The following ZC3H14 variants were observed in gnomAD, a reference collection of about 807,000 sequenced individuals.
ZC3H14 encodes the protein zinc finger CCCH domain-containing protein 14.
A neutral mutation model predicts 92.4 loss-of-function variants in ZC3H14; 31 were observed. The observed-to-expected ratio is 0.34, with a 90% CI of 0.25 to 0.45. The LOEUF is 0.45. ZC3H14 is among the 20% of genes least tolerant of loss of function. The probability of loss-of-function intolerance (pLI) is 1.00; values close to 1 mark genes in which losing one functional copy is unlikely to be tolerated. For synonymous variants in ZC3H14, 321 were observed against 300.9 expected, an observed-to-expected ratio of 1.07 and a Z score of -0.69; for missense variants, 781 against 897.3, an observed-to-expected ratio of 0.87 and a Z score of 1.66.
At chr14:88,609,135 TTC>T (rs1464165393) in intron 13 of ZC3H14, 130 bp from the exon 14 acceptor site, 16 of 1,077,936 alleles carry the variant, frequency 1.5e-5, no homozygotes, top group Non-Finnish European at 1.9e-5. Context: ...TTTTAAAATA[TTC>T]TTTTTGTTGC....
rs1275723344 is a variant in ZC3H14, at chr14:88,607,236, T to G, written c.1748-7T>G. 1 of 1,614,068 alleles carries G rather than the reference T, an allele frequency of 6.2e-7. No homozygotes were observed. Among genetic ancestry groups the G allele is most frequent in the South Asian group, 1.1e-5 (1 of 91,086 alleles). On this transcript the variant is annotated splice_region_variant and splice_polypyrimidine_tract_variant and intron_variant, in intron 12 of 16. Coordinates refer to ENST00000251038, the MANE Select transcript of ZC3H14 (RefSeq NM_024824.5). ...ATGAAATACTTTTATTTCCTTTCCC[T>G]TTGTAGCTGAGATGAGTGAACTGAG...
At position 88,616,322 on chromosome 14, in the gene ZC3H14, A is replaced by C; in HGVS notation, c.*4571A>C. 5.2e-6 allele frequency: 7 copies of C among 1,344,242 alleles called. No homozygotes were observed. The highest frequency in any genetic ancestry group is 1.4e-5 in the African/African-American group (1 of 69,490). 83.3% of individuals were successfully genotyped at this position (1,344,242 alleles called of 1,614,324 possible). A position where few individuals can be genotyped will look rare whatever the true frequency, so the allele number is the denominator to read the frequency against. On this transcript the variant is annotated 3_prime_UTR_variant, in exon 17 of 17. Transcript: ENST00000251038. ...GCTCTTATTAGGAACTATAATCTCTATGACAAGAGCTGTGGAGAGAGTAGG... is the reference window on the plus strand; with the variant it reads ...GCTCTTATTAGGAACTATAATCTCTCTGACAAGAGCTGTGGAGAGAGTAGG...
chr14:88,607,331 G>A lies in ZC3H14; in HGVS notation c.1836G>A (p.Glu612=), dbSNP rs1466688545. The stretch of plus-strand genomic sequence containing the variant: ...GGCCTGCTTGTAAAAATGGGGATGA[G>A]TGTGCCTACCATCACCCCATCTCAC... The part of the protein sequence containing the change: ...KYWPACKNGD[E]CAYHHPISPC... The change falls in exon 13 of 17, where the codon GAG becomes GAA. Residue 612 remains glutamate, a synonymous_variant. Transcript: ENST00000251038. The A allele has an allele frequency of 6.2e-7, 1 of 1,613,510 alleles. No individual in the cohort carries two copies. Among genetic ancestry groups the A allele is most frequent in the Non-Finnish European group, 8.5e-7 (1 of 1,179,788 alleles).
chr14:88,595,369 T>C (rs2139974704), intron 9 of ZC3H14, among the ~76,000 whole-genome samples: 1 of 152,350 alleles, frequency 6.6e-6, no homozygotes, highest in African/African-American at 2.4e-5. Flanking sequence ...GAAGCAAAAC[T>C]TGAAATGTGG....
chr14:88,593,449 A>G (rs1310107210), intron 9 of ZC3H14, among the ~76,000 whole-genome samples: 1 of 152,212 alleles, frequency 6.6e-6, no homozygotes, highest in African/African-American at 2.4e-5. Context: ...TAACGTTGGC[A>G]AGGTTATGTT....
chr14:88,613,841 CAT>C lies in ZC3H14; in HGVS notation c.*2092_*2093del, dbSNP rs747392137. 1.3e-5 allele frequency: 2 copies of C among 152,146 alleles called. No individual in the cohort carries two copies. The highest frequency in any genetic ancestry group is 2.9e-5 in the Non-Finnish European group (2 of 68,026). The allele number at this position is 152,146 out of a possible 1,614,324, so 9.4% of individuals were successfully genotyped here. ...TAATTATCTGGGTTAAAAAAGTAAACATAGGGCAGATTCTATATGGCCTATCA... is the reference window on the plus strand; with the variant it reads ...TAATTATCTGGGTTAAAAAAGTAAACAGGGCAGATTCTATATGGCCTATCA... On this transcript the variant is annotated 3_prime_UTR_variant, in exon 17 of 17. Transcript: ENST00000251038.
chr14:88,570,218 A>T (rs908436842), intron 3 of ZC3H14, among the ~76,000 whole-genome samples: 2 of 152,204 alleles, frequency 1.3e-5, no homozygotes, highest in African/African-American at 2.4e-5. Context: ...GTTCATTAAC[A>T]CCAGCCCCAA....
chr14:88,627,180 C>T lies in ZC3H14; in HGVS notation c.*15429C>T, dbSNP rs538606137. 9.8e-5 allele frequency: 74 copies of T among 751,986 alleles called. No homozygotes were observed. The African/African-American group carries it at 1.0e-3, about 11-fold the overall frequency. The allele number at this position is 751,986 out of a possible 1,614,324, so 46.6% of individuals were successfully genotyped here. On this transcript the variant is annotated 3_prime_UTR_variant, in exon 17 of 17. Coordinates refer to ENST00000251038, the MANE Select transcript of ZC3H14 (RefSeq NM_024824.5). ...AGGCCAATGGCCCCTGCTCTACTAC[C>T]TAGCAATACATGATTTACAATTATT...
chr14:88,607,400 T>C (rs2085595853), intron 13 of ZC3H14, 37 bp downstream of exon 13: 1 of 1,377,326 alleles, frequency 7.3e-7, no homozygotes, highest in South Asian at 1.2e-5. Context: ...TGCAAGTGAG[T>C]ACCATCCCCC....
At chr14:88,603,103 G>A (rs770322632) in intron 12 of ZC3H14, 43 bp downstream of exon 12, 2 of 1,578,852 alleles carry the variant, frequency 1.3e-6, no homozygotes, top group Non-Finnish European at 1.7e-6. Context: ...TCATTGTGAA[G>A]GGAATCTTTG....
intron 15 of ZC3H14, 86 bp downstream of exon 15, chr14:88,609,889 T>C (rs957259730): frequency 2.9e-5 from 41 of 1,426,246 alleles, no homozygotes; most frequent in Admixed American, 5.2e-5. Context: ...GTTACTACAT[T>C]GGTGCAAAAG....
Position 88,616,146 on chromosome 14 carries a change from A to G in ZC3H14, c.*4395A>G, listed in dbSNP as rs1284351429. 3.1e-6 allele frequency: 5 copies of G among 1,613,868 alleles called. No homozygotes were observed. The highest frequency in any genetic ancestry group is 4.2e-6 in the Non-Finnish European group (5 of 1,179,768). On this transcript the variant is annotated 3_prime_UTR_variant, in exon 17 of 17. Coordinates refer to ENST00000251038, the MANE Select transcript of ZC3H14 (RefSeq NM_024824.5). ...TGGGCTGAGAAAGTTACTAACCTGCAGTCATCACCTCCAGCACTAACAACA... is the reference window on the plus strand; with the variant it reads ...TGGGCTGAGAAAGTTACTAACCTGCGGTCATCACCTCCAGCACTAACAACA...
In ZC3H14 at chr14:88,618,939, C is replaced by T. The variant is rs1374561691; in HGVS notation, c.*7188C>T. The stretch of plus-strand genomic sequence containing the variant: ...TAAGGCCTCAAATAGATTTACCTGT[C>T]AGACACAACTGATCATGTATACTGA... On this transcript the variant is annotated 3_prime_UTR_variant, in exon 17 of 17. Coordinates refer to ENST00000251038, the MANE Select transcript of ZC3H14 (RefSeq NM_024824.5). 1.2e-6 allele frequency: 1 copy of T among 823,976 alleles called. No homozygotes were observed. Among genetic ancestry groups the T allele is most frequent in the Non-Finnish European group, 1.8e-6 (1 of 548,854 alleles). 51.0% of individuals were successfully genotyped at this position (823,976 alleles called of 1,614,324 possible). A position where few individuals can be genotyped will look rare whatever the true frequency, so the allele number is the denominator to read the frequency against.
Position 88,618,399 on chromosome 14 carries a change from C to T in ZC3H14, c.*6648C>T. 2.2e-6 allele frequency: 3 copies of T among 1,365,618 alleles called. No individual in the cohort carries two copies. Among genetic ancestry groups the T allele is most frequent in the East Asian group, 4.6e-5 (2 of 43,414 alleles). 84.6% of individuals were successfully genotyped at this position (1,365,618 alleles called of 1,614,324 possible). A position where few individuals can be genotyped will look rare whatever the true frequency, so the allele number is the denominator to read the frequency against. ...AGAGACAAAATCCACAGGGGGTTTA[C>T]AGAATACTAGCATATTGCTACTTGA... On this transcript the variant is annotated 3_prime_UTR_variant, in exon 17 of 17. Coordinates refer to ENST00000251038, the MANE Select transcript of ZC3H14 (RefSeq NM_024824.5).
Position 88,618,290 on chromosome 14 carries a change from A to G in ZC3H14, c.*6539A>G. The G allele has an allele frequency of 6.2e-7, 1 of 1,613,858 alleles. No individual in the cohort carries two copies. Among genetic ancestry groups the G allele is most frequent in the Non-Finnish European group, 8.5e-7 (1 of 1,179,864 alleles). On this transcript the variant is annotated 3_prime_UTR_variant, in exon 17 of 17. Transcript: ENST00000251038. ...CATGATCCATAAGATGTTTTCCTGA[A>G]GGCACTTCATAGACATGCCGTTTAT...
chr14:88,616,065 A>ACTCCTAC lies in ZC3H14; in HGVS notation c.*4314_*4315insCTCCTAC. 6.7e-7 allele frequency: 1 copy of ACTCCTAC among 1,495,634 alleles called. No homozygotes were observed. Among genetic ancestry groups the ACTCCTAC allele is most frequent in the Non-Finnish European group, 9.3e-7 (1 of 1,075,278 alleles). 92.6% of individuals were successfully genotyped at this position (1,495,634 alleles called of 1,614,324 possible). On this transcript the variant is annotated 3_prime_UTR_variant, in exon 17 of 17. Coordinates refer to ENST00000251038, the MANE Select transcript of ZC3H14 (RefSeq NM_024824.5). Reference sequence around the variant, plus strand: ...GTTGACTAGCTGATTTCATAAACCAAAGCTGTAGGAGTTGTTGTATTAAGT... The same window carrying ACTCCTAC: ...GTTGACTAGCTGATTTCATAAACCAACTCCTACAGCTGTAGGAGTTGTTGTATTAAGT...
intron 3 of ZC3H14, among the ~76,000 whole-genome samples, chr14:88,569,835 A>G (rs1412839616): frequency 6.6e-6 from 1 of 152,248 alleles, no homozygotes; most frequent in Non-Finnish European, 1.5e-5. Flanking sequence ...TACATTGCAC[A>G]AATTTGAAGA....
chr14:88,565,902 CTG>C (rs2079506840), intron 2 of ZC3H14, among the ~76,000 whole-genome samples: 1 of 151,074 alleles, frequency 6.6e-6, no homozygotes, highest in African/African-American at 2.4e-5. Context: ...GGGTCTCACT[CTG>C]TGGTTCGGGC....
At chr14:88,601,475 G>C (rs142159292) in intron 10 of ZC3H14, among the ~76,000 whole-genome samples, 30 of 152,326 alleles carry the variant, frequency 2.0e-4, no homozygotes, top group African/African-American at 6.5e-4. Flanking sequence ...TATACCACTT[G>C]AATTCTTTTT....
Sources: gnomAD v4.1 joint callset for allele counts (sites outside exome capture counted in the v4.1 genomes callset) on GRCh38, gnomAD v4.1.1 for gene constraint, MANE v1.5 for transcripts, NCBI Gene and HGNC (gene_info 2026-07-23, HGNC 2026-07-21) for gene names.